COX7B2: variants seen among roughly 807,000 people sequenced by gnomAD.
The protein encoded by COX7B2 is cytochrome c oxidase subunit 7B2, also known as cytochrome c oxidase subunit 7B2, mitochondrial.
For missense variants in COX7B2, 109 were observed against 95.9 expected (o/e 1.14, Z -0.57); for synonymous variants, 37 against 32.1 (o/e 1.15, Z -0.51).
chr4:46,805,313 C>T (rs532685181), intron 2 of COX7B2, among the ~76,000 whole-genome samples: 2 of 152,246 alleles, frequency 1.3e-5, no homozygotes, highest in East Asian at 3.9e-4. Flanking sequence ...TGCCGAGAGC[C>T]AGCCAGGGCT....
chr4:46,890,561 A>G (rs1387546314), intron 1 of COX7B2, among the ~76,000 whole-genome samples: 1 of 152,218 alleles, frequency 6.6e-6, no homozygotes, highest in Non-Finnish European at 1.5e-5. Flanking sequence ...AAATATTAAG[A>G]AAAATTGAGA....
intron 2 of COX7B2, among the ~76,000 whole-genome samples, chr4:46,745,910 G>A (rs972009526): frequency 1.3e-5 from 2 of 151,880 alleles, no homozygotes; most frequent in African/African-American, 4.8e-5. Flanking sequence ...TTAATCTAAC[G>A]GAGTCTAAAA....
chr4:46,756,545 T>A (rs1190626330), intron 2 of COX7B2, among the ~76,000 whole-genome samples: 2 of 151,962 alleles, frequency 1.3e-5, no homozygotes, highest in African/African-American at 4.8e-5. Flanking sequence ...TTGCAAACTA[T>A]GCACCTGACA....
At position 46,833,793 on chromosome 4, in the gene COX7B2, A is replaced by G. The variant is rs373206299; in HGVS notation, c.-50+11167T>C. On this transcript the variant is annotated intron_variant, in intron 2 of 2. Transcript: ENST00000355591. ...AGCTTTTGTAAATATTAATCTTTAC[A>G]GATAAGGCAAAAAAAAGAAGTGTGC... 9.2e-5 allele frequency among the ~76,000 whole-genome samples: 14 copies of G among 152,344 alleles called. No individual in the cohort carries two copies. In the East Asian group the frequency reaches 2.3e-3, roughly 25 times the overall value.
intron 2 of COX7B2, among the ~76,000 whole-genome samples, chr4:46,768,230 A>G (rs1409271092): frequency 6.6e-6 from 1 of 152,220 alleles, no homozygotes; most frequent in African/African-American, 2.4e-5. Context: ...CAGAGATTTT[A>G]CTGAGCGATG....
intron 2 of COX7B2, among the ~76,000 whole-genome samples, chr4:46,762,479 C>T (rs1212221835): frequency 3.7e-5 from 5 of 135,792 alleles, no homozygotes; most frequent in Non-Finnish European, 7.7e-5. Context: ...ACTATATATA[C>T]TATATATTGT....
intron 2 of COX7B2, among the ~76,000 whole-genome samples, chr4:46,749,157 T>C (rs542322866): frequency 1.3e-5 from 2 of 152,186 alleles, no homozygotes; most frequent in Non-Finnish European, 2.9e-5. Context: ...CTGATGCTCA[T>C]CCCAGTGAAC....
At chr4:46,742,604 T>C (rs1049293641) in intron 2 of COX7B2, among the ~76,000 whole-genome samples, 2 of 152,166 alleles carry the variant, frequency 1.3e-5, no homozygotes, top group African/African-American at 4.8e-5. Flanking sequence ...TGATGGATAG[T>C]ACAACCATTT....
At chr4:46,851,232 G>A (rs1213186258) in intron 1 of COX7B2, among the ~76,000 whole-genome samples, 1 of 151,840 alleles carries the variant, frequency 6.6e-6, no homozygotes, top group Admixed American at 6.6e-5. Context: ...TTATTTGAGA[G>A]GAACCAGAAA....
At chr4:46,786,746 T>C (rs1416863225) in intron 2 of COX7B2, among the ~76,000 whole-genome samples, 1 of 152,122 alleles carries the variant, frequency 6.6e-6, no homozygotes, top group Non-Finnish European at 1.5e-5. Context: ...GTCAGATATC[T>C]TAGGGAGGAA....
intron 2 of COX7B2, among the ~76,000 whole-genome samples, chr4:46,741,594 C>T (rs1428969213): frequency 6.6e-6 from 1 of 151,946 alleles, no homozygotes; most frequent in Non-Finnish European, 1.5e-5. Context: ...TATCCTGGTC[C>T]CTACCATGGG....
At chr4:46,794,058 C>A (rs1412516132) in intron 2 of COX7B2, among the ~76,000 whole-genome samples, 1 of 152,186 alleles carries the variant, frequency 6.6e-6, no homozygotes, top group Non-Finnish European at 1.5e-5. Flanking sequence ...TTTGTTTCTA[C>A]ATCTATGACA....
At chr4:46,789,493 A>G (rs372728657) in intron 2 of COX7B2, among the ~76,000 whole-genome samples, 56 of 152,308 alleles carry the variant, frequency 3.7e-4, no homozygotes, top group African/African-American at 1.3e-3. Flanking sequence ...TCATTGATCT[A>G]CCACTGCTCA....
At chr4:46,826,709 G>A (rs1384511693) in intron 2 of COX7B2, among the ~76,000 whole-genome samples, 4 of 152,026 alleles carry the variant, frequency 2.6e-5, no homozygotes, top group Non-Finnish European at 5.9e-5. Context: ...TGTTTTTTGT[G>A]GGAACATGGA....
chr4:46,824,203 G>A (rs1319623743), intron 2 of COX7B2, among the ~76,000 whole-genome samples: 2 of 152,072 alleles, frequency 1.3e-5, no homozygotes, highest in Non-Finnish European at 2.9e-5. Flanking sequence ...AAAAAGCCCA[G>A]GACCTGATGG....
At chr4:46,752,954 C>A (rs1426341724) in intron 2 of COX7B2, among the ~76,000 whole-genome samples, 1 of 149,548 alleles carries the variant, frequency 6.7e-6, no homozygotes, top group Admixed American at 7.3e-5. Flanking sequence ...GGAGGAGTCC[C>A]TCTTTTTCTA....
intron 2 of COX7B2, among the ~76,000 whole-genome samples, chr4:46,798,386 G>A (rs767325388): frequency 5.9e-5 from 9 of 152,154 alleles, no homozygotes; most frequent in Non-Finnish European, 1.2e-4. Flanking sequence ...AGCATTGAGT[G>A]AGGCCATCAA....
chr4:46,739,878 T>C (rs1203063062), intron 2 of COX7B2, among the ~76,000 whole-genome samples: 1 of 152,094 alleles, frequency 6.6e-6, no homozygotes, highest in East Asian at 1.9e-4. Flanking sequence ...TGCTTTGCTA[T>C]GGCATTTGAC....
chr4:46,878,020 TACACAC>T (rs58928264), intron 1 of COX7B2, among the ~76,000 whole-genome samples: 2 of 147,574 alleles, frequency 1.4e-5, no homozygotes, highest in African/African-American at 5.0e-5. Flanking sequence ...TTGTAGTGCA[TACACAC>T]ACACACACAC....
Sources: allele counts gnomAD v4.1 joint callset (sites outside exome capture counted in the v4.1 genomes callset), GRCh38; gene constraint gnomAD v4.1.1; transcripts MANE v1.5; gene names NCBI Gene and HGNC (gene_info 2026-07-23, HGNC 2026-07-21).